Variants in RBFOX1 observed in about 807,000 individuals in gnomAD.
RBFOX1 encodes RNA binding protein fox-1 homolog 1.
RBFOX1 carries 8 observed loss-of-function variants against 57.7 expected under a neutral mutation model. That is an observed-to-expected ratio of 0.14 (90% CI 0.08 to 0.25). The LOEUF is 0.25. Among genes scored for constraint, RBFOX1 ranks in the 10% least tolerant of loss-of-function variants. RBFOX1 has a pLI of 1.00. For missense variants in RBFOX1, 611 were observed against 548.5 expected (o/e 1.11, Z -1.14); for synonymous variants, 326 against 222.4 (o/e 1.47, Z -4.15).
rs142281376 is a variant in RBFOX1, at chr16:7,363,179, C to G, written c.28-154968C>G. ...ATGAGAGGCTTTGGGAGAGACAGAA[C>G]TGCACAACGGATTGCCGTCAGCCTC... is the stretch of plus-strand genomic sequence containing the variant. On this transcript the variant is annotated intron_variant, in intron 4 of 15. Coordinates refer to ENST00000550418, the MANE Select transcript of RBFOX1 (RefSeq NM_018723.4). 3.9e-3 allele frequency among the ~76,000 whole-genome samples: 600 copies of G among 152,246 alleles called. 5 individuals carry two copies. The highest frequency in any genetic ancestry group is 0.014 in the African/African-American group (579 of 41,538).
chr16:7,261,512 C>G (rs1249774201), intron 4 of RBFOX1, among the ~76,000 whole-genome samples: 1 of 152,118 alleles, frequency 6.6e-6, no homozygotes. Context: ...AACACTTGAT[C>G]AGCATAGGAG....
At chr16:5,314,660 C>G (rs200231563) in intron 1 of RBFOX1, among the ~76,000 whole-genome samples, 1 of 151,910 alleles carries the variant, frequency 6.6e-6, no homozygotes, top group East Asian at 1.9e-4. Context: ...ACCACCATGC[C>G]CAGCTAATTT....
chr16:6,125,003 G>A (rs1425992421), intron 1 of RBFOX1, among the ~76,000 whole-genome samples: 1 of 152,100 alleles, frequency 6.6e-6, no homozygotes, highest in Admixed American at 6.5e-5. Context: ...CGCTTTGGAA[G>A]CCTCCAACCC....
intron 3 of RBFOX1, among the ~76,000 whole-genome samples, chr16:6,661,718 G>C (rs1197935531): frequency 6.6e-6 from 1 of 152,198 alleles, no homozygotes; most frequent in African/African-American, 2.4e-5. Flanking sequence ...CCAGGACCCT[G>C]AGAAATCACA....
intron 1 of RBFOX1, among the ~76,000 whole-genome samples, chr16:6,094,170 T>C (rs1201681580): frequency 4.6e-5 from 7 of 152,176 alleles, no homozygotes; most frequent in Admixed American, 4.6e-4. Flanking sequence ...GACTCATCTG[T>C]GTCAGAGGAG....
chr16:6,840,294 G>T (rs1352832003), intron 3 of RBFOX1, among the ~76,000 whole-genome samples: 1 of 152,122 alleles, frequency 6.6e-6, no homozygotes, highest in East Asian at 1.9e-4. Context: ...AAAATGAAAA[G>T]GCAACTTTAG....
chr16:7,246,673 A>T (rs903907062), intron 4 of RBFOX1, among the ~76,000 whole-genome samples: 1 of 133,400 alleles, frequency 7.5e-6, no homozygotes, highest in Non-Finnish European at 1.5e-5. Context: ...TTTGAATGCA[A>T]TTATTCCTTC....
intron 1 of RBFOX1, among the ~76,000 whole-genome samples, chr16:5,346,789 C>T (rs1190767985): frequency 6.6e-6 from 1 of 152,160 alleles, no homozygotes; most frequent in African/African-American, 2.4e-5. Flanking sequence ...AGTCCCAGCT[C>T]TGTAGTCAAG....
At chr16:5,429,603 C>T (rs542024040) in intron 1 of RBFOX1, among the ~76,000 whole-genome samples, 1 of 152,286 alleles carries the variant, frequency 6.6e-6, no homozygotes, top group Admixed American at 6.5e-5. Context: ...GTTGTGCTCG[C>T]AGCATGTGGT....
At chr16:7,373,178 C>T (rs927492452) in intron 4 of RBFOX1, among the ~76,000 whole-genome samples, 3 of 152,104 alleles carry the variant, frequency 2.0e-5, no homozygotes, top group African/African-American at 7.2e-5. Context: ...TGTGATCTAC[C>T]TGCCTTGGCC....
chr16:5,320,469 C>T (rs1342701893), intron 1 of RBFOX1, among the ~76,000 whole-genome samples: 3 of 152,108 alleles, frequency 2.0e-5, no homozygotes, highest in African/African-American at 4.8e-5. Flanking sequence ...ACAAGACCCT[C>T]GAAGGACTTG....
intron 4 of RBFOX1, among the ~76,000 whole-genome samples, chr16:7,380,085 T>C (rs1435257450): frequency 6.6e-6 from 1 of 152,166 alleles, no homozygotes; most frequent in African/African-American, 2.4e-5. Context: ...CTGGAACTCT[T>C]GGCCTCAAGT....
chr16:7,490,750 A>G (rs1459505303), intron 4 of RBFOX1, among the ~76,000 whole-genome samples: 1 of 152,166 alleles, frequency 6.6e-6, no homozygotes, highest in African/African-American at 2.4e-5. Flanking sequence ...ATTGTTCATT[A>G]TCTTCTAGTC....
At chr16:6,914,338 T>G (rs1492386) in intron 3 of RBFOX1, among the ~76,000 whole-genome samples, 3 of 152,044 alleles carry the variant, frequency 2.0e-5, no homozygotes, top group Non-Finnish European at 4.4e-5. Flanking sequence ...CCGGGGTGTC[T>G]GGGCTTAAAT....
At chr16:6,786,581 A>G (rs888932705) in intron 3 of RBFOX1, among the ~76,000 whole-genome samples, 9 of 152,176 alleles carry the variant, frequency 5.9e-5, no homozygotes, top group Non-Finnish European at 1.0e-4. Flanking sequence ...CCAAAAATTA[A>G]TAATAAGGAC....
At chr16:6,836,301 C>T (rs1406049675) in intron 3 of RBFOX1, among the ~76,000 whole-genome samples, 1 of 152,140 alleles carries the variant, frequency 6.6e-6, no homozygotes, top group Non-Finnish European at 1.5e-5. Context: ...TAAGGATTTT[C>T]AGCTCTGTGG....
chr16:7,316,967 C>CACACACACACAT (rs1306582003), intron 4 of RBFOX1, among the ~76,000 whole-genome samples: 24 of 150,360 alleles, frequency 1.6e-4, no homozygotes, highest in African/African-American at 5.9e-4. Flanking sequence ...AGACAGAACA[C>CACACACACACAT]ACACACACAC....
chr16:7,062,036 G>A lies in RBFOX1; in HGVS notation c.27+9938G>A, dbSNP rs144027245. Among the ~76,000 whole-genome samples the A allele has an allele frequency of 3.1e-3, 470 of 152,124 alleles. 8 individuals carry two copies. Among genetic ancestry groups the A allele is most frequent in the Admixed American group, 0.026 (403 of 15,260 alleles). On this transcript the variant is annotated intron_variant, in intron 4 of 15. Transcript: ENST00000550418. ...ATGGTCCCAGGAAAAATGGCAACGA[G>A]GCCGGGTGTGGTGGCTCACACCTGT... is the stretch of plus-strand genomic sequence containing the variant.
chr16:7,337,664 T>A (rs569780402), intron 4 of RBFOX1, among the ~76,000 whole-genome samples: 1 of 151,968 alleles, frequency 6.6e-6, no homozygotes, highest in Non-Finnish European at 1.5e-5. Flanking sequence ...CAGGTGAATG[T>A]TTTTTGTGTT....
Sources: gnomAD v4.1 joint callset for allele counts (sites outside exome capture counted in the v4.1 genomes callset) on GRCh38, gnomAD v4.1.1 for gene constraint, MANE v1.5 for transcripts, NCBI Gene and HGNC (gene_info 2026-07-23, HGNC 2026-07-21) for gene names.